ITIH5: variants seen among roughly 807,000 people sequenced by gnomAD.
The protein encoded by ITIH5 is inter-alpha-trypsin inhibitor heavy chain 5.
In ITIH5, 65 loss-of-function variants were observed where a neutral mutation model predicts 77.5. That is an observed-to-expected ratio of 0.84 (90% CI 0.69 to 1.03). The LOEUF (loss-of-function observed/expected upper bound fraction) is 1.03, where lower values mean the gene tolerates loss of function less well. Among genes scored for constraint, ITIH5 ranks in the 50% least tolerant of loss-of-function variants. The pLI is 0.00. For synonymous variants in ITIH5, 525 were observed against 494.3 expected, an observed-to-expected ratio of 1.06 and a Z score of -0.82; for missense variants, 1,208 against 1,213.1, an observed-to-expected ratio of 1.00 and a Z score of 0.06.
chr10:7,563,005 C>T lies in ITIH5; in HGVS notation c.*78G>A, dbSNP rs78641295. The T allele has an allele frequency of 1.3e-5, 17 of 1,273,654 alleles. No individual in the cohort carries two copies. The highest frequency in any genetic ancestry group is 1.8e-5 in the Non-Finnish European group (16 of 883,548). 78.9% of individuals were successfully genotyped at this position (1,273,654 alleles called of 1,614,324 possible). ...TAATTGCCAGGAGCTGAGGCGTGTACAAGCCATGAAAAGAGCTGCCCCACG... is the reference window on the plus strand; with the variant it reads ...TAATTGCCAGGAGCTGAGGCGTGTATAAGCCATGAAAAGAGCTGCCCCACG... On this transcript the variant is annotated 3_prime_UTR_variant, in exon 14 of 14. Coordinates refer to ENST00000397146, the MANE Select transcript of ITIH5 (RefSeq NM_030569.7).
At chr10:7,620,688 C>T (rs1467617886) in intron 5 of ITIH5, 1 of 114,598 alleles carries the variant, frequency 8.7e-6, no homozygotes, top group African/African-American at 3.7e-5. Flanking sequence ...CAAACAGACC[C>T]CTCTCTGTCC....
intron 2 of ITIH5, among the ~76,000 whole-genome samples, chr10:7,652,245 G>T (rs1268685010): frequency 6.6e-6 from 1 of 152,164 alleles, no homozygotes; most frequent in African/African-American, 2.4e-5. Flanking sequence ...AGTGTTACGG[G>T]AGTACCAGCT....
chr10:7,585,788 T>C (rs535649373), intron 8 of ITIH5, 113 bp downstream of exon 8: 2 of 928,256 alleles, frequency 2.2e-6, no homozygotes, highest in East Asian at 2.6e-5. Context: ...TCTCCCTTCC[T>C]GCCATCAACC....
intron 8 of ITIH5, among the ~76,000 whole-genome samples, chr10:7,581,406 A>G (rs913446562): frequency 6.6e-6 from 1 of 152,242 alleles, no homozygotes; most frequent in African/African-American, 2.4e-5. Context: ...ATGATGGAAC[A>G]ATAAACACCA....
rs572497669 is a variant in ITIH5 at position 7,634,014 on chromosome 10, G to A, written c.652+3214C>T. Among the ~76,000 whole-genome samples the A allele has an allele frequency of 5.3e-5, 8 of 151,018 alleles. No homozygotes were observed. In the East Asian group the frequency reaches 1.2e-3, roughly 22 times the overall value. ...TGAGGCAGGAGAATGGCTTGAATCC[G>A]GAAGGCGGAGCTTGCAGTGAGCCGA... On this transcript the variant is annotated intron_variant, in intron 5 of 13. Transcript: ENST00000397146.
At chr10:7,644,645 ATATATAT>A (rs1252358069) in intron 2 of ITIH5, among the ~76,000 whole-genome samples, 5 of 85,754 alleles carry the variant, frequency 5.8e-5, no homozygotes, top group Admixed American at 2.2e-4. Flanking sequence ...CATATATATC[ATATATAT>A]CACATATATA....
In ITIH5 at chr10:7,561,992, GT is replaced by G. The variant is rs1391462309; in HGVS notation, c.*1090del. ...TCCTTAAGGCATCAGGTTTGTCCAA[GT>G]TTTGGAACCAAAGCCCCTGTCCACG... On this transcript the variant is annotated 3_prime_UTR_variant, in exon 14 of 14. Coordinates refer to ENST00000397146, the MANE Select transcript of ITIH5 (RefSeq NM_030569.7). 1 of 152,152 alleles carries G rather than the reference GT, an allele frequency of 6.6e-6. No homozygotes were observed. Among genetic ancestry groups the G allele is most frequent in the Non-Finnish European group, 1.5e-5 (1 of 68,044 alleles). The allele number at this position is 152,152 out of a possible 1,614,324, so 9.4% of individuals were successfully genotyped here.
chr10:7,591,910 C>T (rs944779840), intron 7 of ITIH5, among the ~76,000 whole-genome samples: 4 of 152,072 alleles, frequency 2.6e-5, no homozygotes, highest in African/African-American at 9.7e-5. Context: ...CTTGCTTTAT[C>T]GCCAGGCTGG....
At chr10:7,628,822 T>C (rs1377696273) in intron 5 of ITIH5, among the ~76,000 whole-genome samples, 2 of 133,386 alleles carry the variant, frequency 1.5e-5, no homozygotes, top group East Asian at 4.0e-4. Flanking sequence ...TGTGTCCATG[T>C]TGTAGCGTGT....
chr10:7,630,186 T>C (rs982763223), intron 5 of ITIH5, among the ~76,000 whole-genome samples: 1 of 152,248 alleles, frequency 6.6e-6, no homozygotes, highest in Non-Finnish European at 1.5e-5. Flanking sequence ...GAAGTTTAAT[T>C]TACACACCAT....
intron 7 of ITIH5, among the ~76,000 whole-genome samples, chr10:7,607,678 C>T (rs559433598): frequency 2.6e-5 from 4 of 152,114 alleles, no homozygotes; most frequent in South Asian, 2.1e-4. Flanking sequence ...CCAGGTGTGG[C>T]GGCGCATGCC....
intron 8 of ITIH5, among the ~76,000 whole-genome samples, chr10:7,582,709 A>G (rs1037419367): frequency 6.6e-6 from 1 of 152,192 alleles, no homozygotes; most frequent in African/African-American, 2.4e-5. Context: ...ACTGGAGCTC[A>G]TTATATTCAG....
chr10:7,566,249 T>C lies in ITIH5; in HGVS notation c.2308A>G (p.Arg770Gly). 6.2e-7 allele frequency: 1 copy of C among 1,613,484 alleles called. No individual in the cohort carries two copies. The highest frequency in any genetic ancestry group is 1.1e-5 in the South Asian group (1 of 90,950). ...PSRVILDGGD[R>G]LVLPCNQSVV... is the part of the protein sequence containing the mutation. ...CTCTGGTTGCAGGGGAGCACCAGTCTGTCCCCACCATCCAAGATGACTCTG... is the reference window on the plus strand; with the variant it reads ...CTCTGGTTGCAGGGGAGCACCAGTCCGTCCCCACCATCCAAGATGACTCTG... Residue 770 changes from arginine (R) to glycine (G), a missense_variant, in exon 13 of 14, where the codon AGA becomes GGA. Physicochemically the swap from Arg to Gly is moderately radical, Grantham distance 125. Coordinates refer to ENST00000397146, the MANE Select transcript of ITIH5 (RefSeq NM_030569.7).
intron 1 of ITIH5, among the ~76,000 whole-genome samples, chr10:7,662,657 C>A (rs1435954044): frequency 6.6e-6 from 1 of 152,222 alleles, no homozygotes; most frequent in Non-Finnish European, 1.5e-5. Context: ...CAGCTCATCA[C>A]CCAGTTCTCA....
At position 7,561,431 on chromosome 10, in the gene ITIH5, C is replaced by T. The variant is rs1832037918; in HGVS notation, c.*1652G>A. The T allele has an allele frequency of 6.6e-6, 1 of 152,320 alleles. No homozygotes were observed. The highest frequency in any genetic ancestry group is 2.1e-4 in the South Asian group (1 of 4,836). The allele number at this position is 152,320 out of a possible 1,614,324, so 9.4% of individuals were successfully genotyped here. On this transcript the variant is annotated 3_prime_UTR_variant, in exon 14 of 14. Coordinates refer to ENST00000397146, the MANE Select transcript of ITIH5 (RefSeq NM_030569.7). ...GCTACCTCTAGCTGCCGCTCCCTTT[C>T]TCTGAGCTCTACAGTCTGAAAGCAT...
intron 11 of ITIH5, chr10:7,570,084 A>G (rs1453431973): frequency 1.9e-5 from 4 of 214,098 alleles, no homozygotes; most frequent in Non-Finnish European, 2.8e-5. Context: ...TGAGAGGAGA[A>G]GGAAAGAGAG....
At chr10:7,572,771 C>CTTTTTTTTTTTTTTTTTT (rs528912890) in intron 11 of ITIH5, 1 of 88,070 alleles carries the variant, frequency 1.1e-5, no homozygotes, top group Non-Finnish European at 2.1e-5. Context: ...TGGTTTTACA[C>CTTTTTTTTTTTTTTTTTT]TTTTTTTTTT....
intron 12 of ITIH5, among the ~76,000 whole-genome samples, chr10:7,567,699 C>T (rs1447663677): frequency 6.6e-6 from 1 of 152,134 alleles, no homozygotes; most frequent in African/African-American, 2.4e-5. Context: ...TGTCCAAAAA[C>T]TCAAGTTCTT....
chr10:7,599,524 C>A (rs992901903), intron 7 of ITIH5, among the ~76,000 whole-genome samples: 2 of 152,142 alleles, frequency 1.3e-5, no homozygotes, highest in Non-Finnish European at 2.9e-5. Context: ...ATTCTAGATC[C>A]CCGCATGTTT....
Sources: gnomAD v4.1 joint callset for allele counts (sites outside exome capture counted in the v4.1 genomes callset) on GRCh38, gnomAD v4.1.1 for gene constraint, MANE v1.5 for transcripts, NCBI Gene and HGNC (gene_info 2026-07-23, HGNC 2026-07-21) for gene names.